JAKMIP3: variants seen among roughly 807,000 people sequenced by gnomAD.
JAKMIP3 encodes the protein janus kinase and microtubule-interacting protein 3.
A neutral mutation model predicts 118.5 loss-of-function variants in JAKMIP3; 58 were observed. The observed-to-expected ratio is 0.49, with a 90% CI of 0.40 to 0.61. The LOEUF is 0.61. JAKMIP3 is among the 20% of genes least tolerant of loss of function. The pLI is 0.00. For synonymous variants in JAKMIP3, 486 were observed against 451.2 expected, an observed-to-expected ratio of 1.08 and a Z score of -0.98; for missense variants, 950 against 1,109.0, an observed-to-expected ratio of 0.86 and a Z score of 2.04.
Position 132,140,483 on chromosome 10 carries a change from C to T in JAKMIP3, c.1377C>T (p.Asp459=), listed in dbSNP as rs181496069. The change falls in exon 10 of 24, where the codon GAC becomes GAT. Residue 459 remains aspartate, a synonymous_variant. Coordinates refer to ENST00000684848, the MANE Select transcript of JAKMIP3 (RefSeq NM_001323087.2). ...TTGTGGAGACCTTCTTTGGATACGA[C>T]GAAGAGGCTTCCCTGGAATCCGACG... ...PVVVETFFGY[D]EEASLESDGS... is the part of the protein sequence containing the mutation. 1.9e-4 allele frequency: 304 copies of T among 1,613,858 alleles called. No homozygotes were observed. The African/African-American group carries it at 2.3e-3, about 12-fold the overall frequency.
chr10:132,090,166 T>C (rs2042922512), intron 1 of JAKMIP3, among the ~76,000 whole-genome samples: 1 of 152,224 alleles, frequency 6.6e-6, no homozygotes, highest in Non-Finnish European at 1.5e-5. Flanking sequence ...TGGTCTAAAA[T>C]TCTCTTTTTT....
chr10:132,072,576 C>A (rs2040131882), intron 1 of JAKMIP3, among the ~76,000 whole-genome samples: 1 of 152,034 alleles, frequency 6.6e-6, no homozygotes, highest in Non-Finnish European at 1.5e-5. Context: ...AAATATTTGC[C>A]TTTCAACTAT....
chr10:132,159,623 C>CTCTTCCTTTGTGATGCTGGGGGCATG (rs2057688500), intron 19 of JAKMIP3, among the ~76,000 whole-genome samples: 1 of 69,002 alleles, frequency 1.4e-5, no homozygotes, highest in Non-Finnish European at 2.8e-5. Flanking sequence ...GCTGGGGGTC[C>CTCTTCCTTTGTGATGCTGGGGGCATG]TCTTCCTTTG....
chr10:132,166,168 T>C (rs559506307), intron 21 of JAKMIP3, among the ~76,000 whole-genome samples: 1 of 151,718 alleles, frequency 6.6e-6, no homozygotes, highest in Non-Finnish European at 1.5e-5. Flanking sequence ...TAGAAAAAAA[T>C]TTTAAAACAT....
In JAKMIP3 at chr10:132,133,519, G is replaced by A. The variant is rs1472365358; in HGVS notation, c.841G>A (p.Gly281Arg). The A allele has an allele frequency of 6.4e-7, 1 of 1,563,762 alleles. No individual in the cohort carries two copies. Among genetic ancestry groups the A allele is most frequent in the Non-Finnish European group, 8.7e-7 (1 of 1,155,284 alleles). ...TGCAGGAGACGCTTCAGACCACTCG[G>A]GAAGCCCTGTAAGCACCTCCCAGGC... The part of the protein sequence containing the change: ...AGAGDASDHS[G>R]SPEQQLDEKD... Residue 281 changes from glycine (G) to arginine (R), a missense_variant, in exon 4 of 24, where the codon GGA (glycine) becomes AGA (arginine). Coordinates refer to ENST00000684848, the MANE Select transcript of JAKMIP3 (RefSeq NM_001323087.2).
chr10:132,094,141 G>T (rs2043518143), intron 1 of JAKMIP3, among the ~76,000 whole-genome samples: 1 of 151,900 alleles, frequency 6.6e-6, no homozygotes. Context: ...TGTTGCCCAG[G>T]CTGGTCTTGA....
chr10:132,139,677 C>T lies in JAKMIP3; in HGVS notation c.1345-774C>T, dbSNP rs781172298. 5.3e-5 allele frequency among the ~76,000 whole-genome samples: 8 copies of T among 152,308 alleles called. No homozygotes were observed. The East Asian group carries it at 5.8e-4, about 11-fold the overall frequency. On this transcript the variant is annotated intron_variant, in intron 9 of 23. Transcript: ENST00000684848. Reference sequence around the variant, plus strand: ...CTGGGATTTGGAAGTGTCCAGCAGACGCCTTGGCCCTGTGAAGGGAGGACA... The same window carrying T: ...CTGGGATTTGGAAGTGTCCAGCAGATGCCTTGGCCCTGTGAAGGGAGGACA...
At chr10:132,046,785 TAACCC>T (rs1447257136) in intron 1 of JAKMIP3, among the ~76,000 whole-genome samples, 1 of 152,178 alleles carries the variant, frequency 6.6e-6, no homozygotes, top group Non-Finnish European at 1.5e-5. Flanking sequence ...GAGGCAAAAT[TAACCC>T]AAGTAGAGAG....
At chr10:132,173,637 CTT>C (rs1451128062) in intron 23 of JAKMIP3, among the ~76,000 whole-genome samples, 3 of 152,134 alleles carry the variant, frequency 2.0e-5, no homozygotes, top group South Asian at 4.1e-4. Flanking sequence ...CATATTGACT[CTT>C]TGAAAAAATT....
chr10:132,038,852 C>A (rs1014488789), intron 1 of JAKMIP3, among the ~76,000 whole-genome samples: 17 of 150,874 alleles, frequency 1.1e-4, no homozygotes, highest in South Asian at 4.2e-4. Context: ...AGGCTCTGTT[C>A]CATTTCTTTA....
chr10:132,077,476 T>C (rs1047192840), intron 1 of JAKMIP3, among the ~76,000 whole-genome samples: 3 of 152,214 alleles, frequency 2.0e-5, no homozygotes, highest in African/African-American at 7.2e-5. Context: ...CAGCTGACTG[T>C]GGGGAACCTG....
chr10:132,036,990 C>G (rs551631059), intron 1 of JAKMIP3, among the ~76,000 whole-genome samples: 1 of 152,060 alleles, frequency 6.6e-6, no homozygotes, highest in African/African-American at 2.4e-5. Context: ...GCTGGCGTGA[C>G]GCGGCCGCTG....
intron 1 of JAKMIP3, among the ~76,000 whole-genome samples, chr10:132,039,318 C>T (rs1367086146): frequency 6.6e-6 from 1 of 152,038 alleles, no homozygotes; most frequent in East Asian, 1.9e-4. Context: ...GATTCAGGAA[C>T]TTAGTCACCT....
intron 11 of JAKMIP3, among the ~76,000 whole-genome samples, chr10:132,143,143 G>GGC (rs1392034240): frequency 7.0e-6 from 1 of 143,714 alleles, no homozygotes; most frequent in African/African-American, 2.8e-5. Context: ...GTCCTGAGTC[G>GGC]GGGTGGGGGG....
At chr10:132,135,800 G>A (rs2051647986) in intron 5 of JAKMIP3, 130 bp from the exon 6 acceptor site, 1 of 995,176 alleles carries the variant, frequency 1.0e-6, no homozygotes, top group South Asian at 1.7e-5. Context: ...TTGGAGGCGT[G>A]GACTTCCCAA....
intron 19 of JAKMIP3, among the ~76,000 whole-genome samples, chr10:132,157,245 C>T (rs1450909891): frequency 3.3e-5 from 5 of 152,078 alleles, no homozygotes; most frequent in South Asian, 2.1e-4. Flanking sequence ...CACATGTGTG[C>T]GCACGTGCAT....
chr10:132,155,091 GTGA>G (rs1221252902), intron 19 of JAKMIP3, among the ~76,000 whole-genome samples: 2 of 127,484 alleles, frequency 1.6e-5, no homozygotes, highest in Non-Finnish European at 3.5e-5. Context: ...GCTGGAGGTA[GTGA>G]TGATGATGGT....
intron 2 of JAKMIP3, among the ~76,000 whole-genome samples, chr10:132,116,470 T>C (rs1273876302): frequency 2.7e-5 from 4 of 148,754 alleles, no homozygotes; most frequent in Non-Finnish European, 4.5e-5. Context: ...AGTGTGTGTG[T>C]GCAACGTGGA....
At chr10:132,043,767 A>G (rs2037828879) in intron 1 of JAKMIP3, among the ~76,000 whole-genome samples, 1 of 152,280 alleles carries the variant, frequency 6.6e-6, no homozygotes, top group Middle Eastern at 3.4e-3. Context: ...CAGCTGGACC[A>G]TGTGGGGAGG....
Sources: allele counts gnomAD v4.1 joint callset (sites outside exome capture counted in the v4.1 genomes callset), GRCh38; gene constraint gnomAD v4.1.1; transcripts MANE v1.5; gene names NCBI Gene and HGNC (gene_info 2026-07-23, HGNC 2026-07-21).